The following COL27A1 variants were observed in gnomAD, a reference collection of about 807,000 sequenced individuals.
COL27A1 encodes collagen alpha-1(XXVII) chain.
A neutral mutation model predicts 251.3 loss-of-function variants in COL27A1; 106 were observed. The ratio of observed to expected loss-of-function variants is 0.42; its 90% CI spans 0.36 to 0.50. The LOEUF (loss-of-function observed/expected upper bound fraction) is 0.50. COL27A1 is among the 20% of genes least tolerant of loss of function. COL27A1 has a pLI of 0.00. For missense variants in COL27A1, 2,325 were observed against 2,522.8 expected (o/e 0.92, Z 1.68); for synonymous variants, 1,000 against 986.3 (o/e 1.01, Z -0.26).
chr9:114,178,446 C>T (rs949787670), intron 4 of COL27A1, 102 bp downstream of exon 4: 2 of 1,048,330 alleles, frequency 1.9e-6, no homozygotes, highest in Admixed American at 1.8e-5. Context: ...CAGGTTCTTC[C>T]CTCCCCCTCT....
intron 3 of COL27A1, among the ~76,000 whole-genome samples, chr9:114,170,155 C>T (rs1849203977): frequency 1.3e-5 from 2 of 152,170 alleles, no homozygotes; most frequent in Non-Finnish European, 2.9e-5. Context: ...GTCCTTTCAC[C>T]CGTTTATGTT....
Position 114,265,442 on chromosome 9 carries a change from C to T in COL27A1, c.3360C>T (p.Gly1120=), listed in dbSNP as rs1834673056. Reference sequence around the variant, plus strand: ...TGCAGGGCATCCCGGGTCCCTCAGGCCCCCCAGGCACCAAGGGCCTCCCAG... The same window carrying T: ...TGCAGGGCATCCCGGGTCCCTCAGGTCCCCCAGGCACCAAGGGCCTCCCAG... ...RGFPGIPGPS[G]PPGTKGLPGE... Residue 1120 remains glycine (G), a synonymous_variant, in exon 32 of 61, where the codon GGC becomes GGT. Coordinates refer to ENST00000356083, the MANE Select transcript of COL27A1 (RefSeq NM_032888.4). 1.9e-6 allele frequency: 3 copies of T among 1,613,584 alleles called. No homozygotes were observed. Among genetic ancestry groups the T allele is most frequent in the African/African-American group, 1.3e-5 (1 of 74,924 alleles).
At chr9:114,209,869 G>A in intron 11 of COL27A1, 141 bp downstream of exon 11, 1 of 767,810 alleles carries the variant, frequency 1.3e-6, no homozygotes, top group Non-Finnish European at 2.2e-6. Context: ...TCTGATAAGG[G>A]GACAAGTCAA....
intron 22 of COL27A1, 118 bp downstream of exon 22, chr9:114,242,349 G>C (rs1425406828): frequency 2.4e-6 from 2 of 826,590 alleles, no homozygotes; most frequent in Non-Finnish European, 3.7e-6. Flanking sequence ...CCTTGGACCA[G>C]CCAGAGAGAG....
intron 58 of COL27A1, chr9:114,306,912 A>C: frequency 1.9e-6 from 1 of 540,404 alleles, no homozygotes; most frequent in East Asian, 3.5e-5. Flanking sequence ...CTGGCAGAAA[A>C]AGCTCCTGAG....
At chr9:114,160,784 C>T (rs1198671570) in intron 1 of COL27A1, among the ~76,000 whole-genome samples, 1 of 152,092 alleles carries the variant, frequency 6.6e-6, no homozygotes, top group African/African-American at 2.4e-5. Context: ...ACATGTGAGA[C>T]CTGCTGTAGT....
intron 29 of COL27A1, 146 bp from the exon 30 acceptor site, chr9:114,264,778 T>G (rs967002725): frequency 4.9e-6 from 4 of 822,326 alleles, no homozygotes; most frequent in Non-Finnish European, 5.6e-6. Context: ...TTGTCAGGCC[T>G]TAGTTTTCCC....
At chr9:114,310,524 T>C (rs1212901323) in intron 60 of COL27A1, 25 bp from the exon 61 acceptor site, 2 of 1,613,872 alleles carry the variant, frequency 1.2e-6, no homozygotes, top group South Asian at 1.1e-5. Context: ...TGGATGTACG[T>C]GTGCACTTTT....
At chr9:114,210,850 C>T (rs1211541254) in intron 11 of COL27A1, 132 bp from the exon 12 acceptor site, 12 of 822,292 alleles carry the variant, frequency 1.5e-5, no homozygotes, top group East Asian at 2.5e-5. Context: ...TCACTGGGGC[C>T]GCCACGCAAG....
intron 8 of COL27A1, 139 bp from the exon 9 acceptor site, chr9:114,205,620 G>T: frequency 1.3e-6 from 1 of 783,666 alleles, no homozygotes; most frequent in Non-Finnish European, 2.2e-6. Flanking sequence ...GGGCTTGGGG[G>T]CCCTCCCCTT....
At chr9:114,301,601 G>T in intron 54 of COL27A1, 81 bp from the exon 55 acceptor site, 1 of 1,528,610 alleles carries the variant, frequency 6.5e-7, no homozygotes, top group Non-Finnish European at 8.9e-7. Flanking sequence ...TGGGTCCCAG[G>T]TCTGCTTGAG....
At chr9:114,253,295 A>AAAAGAAAGAAAGAAAGAAAG (rs144800654) in intron 27 of COL27A1, among the ~76,000 whole-genome samples, 4,119 of 140,252 alleles carry the variant, frequency 0.029, 223 homozygotes, top group East Asian at 0.25. Flanking sequence ...GAGACAGAGA[A>AAAAGAAAGAAAGAAAGAAAG]AAAGAAAGAA....
intron 3 of COL27A1, among the ~76,000 whole-genome samples, chr9:114,176,540 T>C (rs7857418): frequency 0.25 from 36,654 of 148,370 alleles, 5,111 homozygotes; most frequent in East Asian, 0.42. Flanking sequence ...AGTAGGTGGG[T>C]GGGGGGGGGT....
intron 28 of COL27A1, among the ~76,000 whole-genome samples, chr9:114,262,924 A>G (rs1280868063): frequency 6.8e-6 from 1 of 146,214 alleles, no homozygotes; most frequent in Non-Finnish European, 1.5e-5. Context: ...ATTCATTGAA[A>G]ATTTCCTTGT....
At position 114,206,313 on chromosome 9, in the gene COL27A1, C is replaced by T. The variant is rs1829963270; in HGVS notation, c.2268+17C>T. ...GGCAGCAGGGTAAGTGGTTCCTGGCCAGTGCCACATGGGTGGGGTTCTAGG... is the reference window on the plus strand; with the variant it reads ...GGCAGCAGGGTAAGTGGTTCCTGGCTAGTGCCACATGGGTGGGGTTCTAGG... On this transcript the variant is annotated intron_variant, in intron 10 of 60. Transcript: ENST00000356083. 6.2e-7 allele frequency: 1 copy of T among 1,613,846 alleles called. No individual in the cohort carries two copies. Among genetic ancestry groups the T allele is most frequent in the Non-Finnish European group, 8.5e-7 (1 of 1,179,726 alleles).
chr9:114,186,992 C>T (rs1009790012), intron 5 of COL27A1, among the ~76,000 whole-genome samples: 2 of 152,240 alleles, frequency 1.3e-5, no homozygotes, highest in Non-Finnish European at 2.9e-5. Context: ...CCTGGTTCCA[C>T]TCTTGAGCAG....
intron 16 of COL27A1, 68 bp from the exon 17 acceptor site, chr9:114,235,531 G>A (rs946732404): frequency 1.7e-6 from 2 of 1,191,630 alleles, no homozygotes; most frequent in Admixed American, 1.7e-5. Context: ...TCGCCAGGGG[G>A]TCTGTGGGGG....
chr9:114,215,396 AGTGACCCAGAT>A (rs1830652236), intron 12 of COL27A1, among the ~76,000 whole-genome samples: 1 of 152,230 alleles, frequency 6.6e-6, no homozygotes, highest in Non-Finnish European at 1.5e-5. Flanking sequence ...TGTGGTCTCC[AGTGACCCAGAT>A]GTGAACCAGA....
Position 114,241,249 on chromosome 9 carries a change from G to A in COL27A1, c.2835+762G>A, listed in dbSNP as rs1156914205. On this transcript the variant is annotated intron_variant, in intron 21 of 60. Coordinates refer to ENST00000356083, the MANE Select transcript of COL27A1 (RefSeq NM_032888.4). ...CCACCTACCTTAGCTCAGGCGCCAG[G>A]CCCCCGTGACACACAGCCCTGGGCT... Among the ~76,000 whole-genome samples the A allele has an allele frequency of 3.9e-5, 6 of 152,378 alleles. 1 individual carries two copies. The highest frequency in any genetic ancestry group is 3.9e-4 in the Admixed American group (6 of 15,312).
Sources: gnomAD v4.1 joint callset for allele counts (sites outside exome capture counted in the v4.1 genomes callset) on GRCh38, gnomAD v4.1.1 for gene constraint, MANE v1.5 for transcripts, NCBI Gene and HGNC (gene_info 2026-07-23, HGNC 2026-07-21) for gene names.